CFAP263: variants seen among roughly 807,000 people sequenced by gnomAD.
The protein encoded by CFAP263 is cilia and flagella associated protein 263.
At chr16:58,254,507 T>G in the CFAP263 span, among the ~76,000 whole-genome samples, 194 of 152,324 alleles carry the variant, frequency 1.3e-3, 7 homozygotes, top group South Asian at 0.039. Context: ...TGAATCCTAG[T>G]GAATCTCTGT....
At chr16:58,278,381 G>T in the CFAP263 span, 7 of 989,376 alleles carry the variant, frequency 7.1e-6, no homozygotes, top group Non-Finnish European at 8.9e-6. Flanking sequence ...CATTATTTTT[G>T]GAACTCTATT....
At chr16:58,266,403 ATATTTTTTTTTTTTTTTTTTT>A in the CFAP263 span, among the ~76,000 whole-genome samples, 1 of 29,450 alleles carries the variant, frequency 3.4e-5, no homozygotes, top group Non-Finnish European at 5.9e-5. Flanking sequence ...ATATATATAT[ATATTTTTTTTTTTTTTTTTTT>A]TTTTTTTTTT....
the CFAP263 span, chr16:58,278,479 C>G: frequency 1.9e-6 from 3 of 1,613,774 alleles, no homozygotes; most frequent in Non-Finnish European, 2.5e-6. Context: ...CTTCCCAACC[C>G]AGGACCGGGC....
At chr16:58,272,780 T>C in the CFAP263 span, among the ~76,000 whole-genome samples, 3 of 152,222 alleles carry the variant, frequency 2.0e-5, no homozygotes, top group African/African-American at 7.2e-5. Context: ...CTTTTTTTTT[T>C]TTTTTGAGCA....
At chr16:58,279,686 T>G in the CFAP263 span, 3 of 1,549,092 alleles carry the variant, frequency 1.9e-6, no homozygotes, top group East Asian at 2.3e-5. Context: ...TTTTTTTTTT[T>G]GCAGATGTCC....
At chr16:58,254,070 C>G in the CFAP263 span, 2 of 1,614,224 alleles carry the variant, frequency 1.2e-6, no homozygotes, top group Non-Finnish European at 1.7e-6. Flanking sequence ...CGACCAAAAA[C>G]TTGAGCTGGT....
chr16:58,280,148 C>T, the CFAP263 span: 5 of 1,449,096 alleles, frequency 3.5e-6, no homozygotes, highest in Admixed American at 8.1e-5. Flanking sequence ...CAAAAACAGA[C>T]ATCAAAACAG....
At chr16:58,275,129 T>C in the CFAP263 span, among the ~76,000 whole-genome samples, 13 of 152,250 alleles carry the variant, frequency 8.5e-5, no homozygotes, top group African/African-American at 2.9e-4. Context: ...CAATTTTTTA[T>C]TGCATTCTGA....
At chr16:58,267,227 A>C in the CFAP263 span, among the ~76,000 whole-genome samples, 1 of 152,132 alleles carries the variant, frequency 6.6e-6, no homozygotes, top group Non-Finnish European at 1.5e-5. Flanking sequence ...CTTAGTGAGT[A>C]GTAGGGCAGG....
At chr16:58,279,985 A>G in the CFAP263 span, 1 of 619,528 alleles carries the variant, frequency 1.6e-6, no homozygotes, top group Non-Finnish European at 2.8e-6. Flanking sequence ...AAAGAACCAC[A>G]GGGCACTCTA....
At chr16:58,262,185 A>T in the CFAP263 span, among the ~76,000 whole-genome samples, 1 of 151,658 alleles carries the variant, frequency 6.6e-6, no homozygotes, top group South Asian at 2.1e-4. Context: ...GCCTGGGGCC[A>T]GGGAACATTG....
the CFAP263 span, among the ~76,000 whole-genome samples, chr16:58,276,923 CA>C: frequency 1.3e-5 from 2 of 151,700 alleles, no homozygotes; most frequent in Admixed American, 1.3e-4. Context: ...CTATTTAGGT[CA>C]AAAAAAGGAA....
the CFAP263 span, among the ~76,000 whole-genome samples, chr16:58,277,539 A>G: frequency 1.3e-5 from 2 of 152,254 alleles, no homozygotes; most frequent in African/African-American, 4.8e-5. Context: ...TTGAATTACC[A>G]TAGCTTCTAG....
the CFAP263 span, chr16:58,280,579 A>G: frequency 1.2e-6 from 2 of 1,613,954 alleles, no homozygotes; most frequent in Admixed American, 1.7e-5. Context: ...CCAGTGGTGG[A>G]GTGAGGACAG....
the CFAP263 span, chr16:58,259,854 G>A: frequency 6.5e-7 from 1 of 1,549,078 alleles, no homozygotes; most frequent in South Asian, 1.1e-5. Flanking sequence ...TATGTTTTAG[G>A]ATAATATGAA....
chr16:58,280,666 G>A, the CFAP263 span: 6 of 1,614,126 alleles, frequency 3.7e-6, no homozygotes, highest in South Asian at 6.6e-5. Context: ...AAACAGGCCA[G>A]GGCACGTCTC....
the CFAP263 span, chr16:58,278,395 A>G: frequency 3.3e-6 from 4 of 1,214,240 alleles, no homozygotes; most frequent in African/African-American, 4.5e-5. Context: ...CTCTATTGGA[A>G]CTATGGGGAG....
chr16:58,264,443 G>T, the CFAP263 span, among the ~76,000 whole-genome samples: 1 of 152,322 alleles, frequency 6.6e-6, no homozygotes, highest in African/African-American at 2.4e-5. Context: ...GATCAGCAGC[G>T]CAGGCCACAG....
the CFAP263 span, among the ~76,000 whole-genome samples, chr16:58,275,813 G>A: frequency 1.3e-5 from 2 of 152,186 alleles, no homozygotes; most frequent in Non-Finnish European, 2.9e-5. Context: ...TTGGAACTAT[G>A]CCTTACGCTG....
Sources: allele counts gnomAD v4.1 joint callset (sites outside exome capture counted in the v4.1 genomes callset), GRCh38; gene constraint gnomAD v4.1.1; transcripts MANE v1.5; gene names NCBI Gene and HGNC (gene_info 2026-07-23, HGNC 2026-07-21).